HMCN1: variants seen among roughly 807,000 people sequenced by gnomAD.
HMCN1 encodes hemicentin-1.
In HMCN1, 321 loss-of-function variants were observed where a neutral mutation model predicts 625.9. The ratio of observed to expected loss-of-function variants is 0.51; its 90% CI spans 0.47 to 0.56. HMCN1 has a LOEUF of 0.56. Ranked by LOEUF, HMCN1 falls within the 20% of genes least tolerant of loss-of-function variation. The pLI is 0.00. For missense variants in HMCN1, 6,588 were observed against 6,887.3 expected (o/e 0.96, Z 1.54); for synonymous variants, 2,425 against 2,417.6 (o/e 1.00, Z -0.09).
intron 40 of HMCN1, among the ~76,000 whole-genome samples, chr1:186,045,260 A>G (rs943438552): frequency 6.6e-6 from 1 of 152,136 alleles, no homozygotes; most frequent in Non-Finnish European, 1.5e-5. Flanking sequence ...TTCTCCAACT[A>G]TTTTTTAATG....
chr1:186,078,880 A>G (rs1177225528), intron 55 of HMCN1, among the ~76,000 whole-genome samples: 1 of 152,224 alleles, frequency 6.6e-6, no homozygotes, highest in East Asian at 1.9e-4. Flanking sequence ...CTGTAAGGGA[A>G]AAGATAAGTG....
intron 4 of HMCN1, among the ~76,000 whole-genome samples, chr1:185,889,701 A>G (rs1398911706): frequency 7.2e-6 from 1 of 139,696 alleles, no homozygotes; most frequent in Non-Finnish European, 1.5e-5. Flanking sequence ...GTGCTGCTGG[A>G]TTCGGTTTGC....
chr1:185,856,146 G>T (rs1190339496), intron 2 of HMCN1, among the ~76,000 whole-genome samples: 3 of 152,164 alleles, frequency 2.0e-5, no homozygotes, highest in South Asian at 2.1e-4. Context: ...CTTGGTAAAA[G>T]AATTGCACAA....
intron 1 of HMCN1, among the ~76,000 whole-genome samples, chr1:185,841,619 G>A (rs1178425923): frequency 2.6e-5 from 4 of 152,126 alleles, no homozygotes; most frequent in Admixed American, 2.6e-4. Flanking sequence ...GTGTACTGAG[G>A]CAGTTAATCC....
chr1:185,775,615 G>T (rs1243166444), intron 1 of HMCN1, among the ~76,000 whole-genome samples: 1 of 152,194 alleles, frequency 6.6e-6, no homozygotes, highest in African/African-American at 2.4e-5. Context: ...GCCAGGTAGG[G>T]CAGTTGTTTA....
At chr1:185,796,378 G>T (rs2102213160) in intron 1 of HMCN1, among the ~76,000 whole-genome samples, 1 of 152,204 alleles carries the variant, frequency 6.6e-6, no homozygotes, top group East Asian at 1.9e-4. Flanking sequence ...GAGGACCCCT[G>T]GTGTACATTG....
At chr1:186,083,026 A>C in intron 57 of HMCN1, 65 bp downstream of exon 57, 1 of 880,542 alleles carries the variant, frequency 1.1e-6, no homozygotes. Context: ...TTTCTGTTTT[A>C]GATTATGTAG....
intron 105 of HMCN1, among the ~76,000 whole-genome samples, chr1:186,185,825 CATTTG>C (rs1653264143): frequency 6.6e-6 from 1 of 152,170 alleles, no homozygotes; most frequent in Non-Finnish European, 1.5e-5. Flanking sequence ...GATAGAAGTG[CATTTG>C]ACCGTCAGGA....
chr1:185,793,669 A>G (rs1417948616), intron 1 of HMCN1, among the ~76,000 whole-genome samples: 1 of 152,224 alleles, frequency 6.6e-6, no homozygotes, highest in Non-Finnish European at 1.5e-5. Flanking sequence ...AATGCTGATT[A>G]ATGTCAATAG....
intron 36 of HMCN1, among the ~76,000 whole-genome samples, chr1:186,033,064 G>GCACACA (rs61063202): frequency 0.022 from 3,041 of 140,360 alleles, 87 homozygotes; most frequent in African/African-American, 0.072. Flanking sequence ...ATACACACAC[G>GCACACA]CACACACACA....
chr1:185,811,768 G>C (rs1030261284), intron 1 of HMCN1, among the ~76,000 whole-genome samples: 2 of 150,556 alleles, frequency 1.3e-5, no homozygotes, highest in African/African-American at 2.4e-5. Context: ...ATAGGCATGT[G>C]CCTTCATTGG....
chr1:186,174,119 CAA>C (rs1652412342), intron 102 of HMCN1, among the ~76,000 whole-genome samples: 1 of 152,128 alleles, frequency 6.6e-6, no homozygotes, highest in Non-Finnish European at 1.5e-5. Flanking sequence ...AGTGGTAAAA[CAA>C]AGAGAGATGG....
At chr1:185,769,747 C>G (rs78007942) in intron 1 of HMCN1, among the ~76,000 whole-genome samples, 270 of 152,248 alleles carry the variant, frequency 1.8e-3, no homozygotes, top group Non-Finnish European at 2.9e-3. Flanking sequence ...TTACTGATGC[C>G]TGTGTGATAA....
At chr1:185,796,626 C>CTGTGTGTGTG (rs150495815) in intron 1 of HMCN1, among the ~76,000 whole-genome samples, 25 of 148,688 alleles carry the variant, frequency 1.7e-4, no homozygotes, top group Admixed American at 9.5e-4. Flanking sequence ...GAGTTTGTGT[C>CTGTGTGTGTG]TGTGTGTGTG....
intron 1 of HMCN1, among the ~76,000 whole-genome samples, chr1:185,803,519 G>A (rs1257171147): frequency 6.6e-6 from 1 of 151,942 alleles, no homozygotes; most frequent in African/African-American, 2.4e-5. Flanking sequence ...AAAACGATTT[G>A]TGGTGAGGGA....
intron 1 of HMCN1, among the ~76,000 whole-genome samples, chr1:185,780,467 T>C (rs1656989100): frequency 6.6e-6 from 1 of 152,222 alleles, no homozygotes; most frequent in South Asian, 2.1e-4. Flanking sequence ...CCATTCAGTA[T>C]GATATTGGCT....
intron 4 of HMCN1, among the ~76,000 whole-genome samples, chr1:185,867,959 C>T (rs1447350411): frequency 2.0e-5 from 3 of 151,982 alleles, no homozygotes; most frequent in African/African-American, 7.2e-5. Flanking sequence ...GTCCCAGCTA[C>T]TCGGGAGGCT....
chr1:185,991,538 G>T (rs1652423681), intron 22 of HMCN1, among the ~76,000 whole-genome samples: 1 of 151,926 alleles, frequency 6.6e-6, no homozygotes, highest in Non-Finnish European at 1.5e-5. Context: ...TTTTCAATTT[G>T]CCATTGTAAC....
At chr1:185,806,947 G>A (rs1398954453) in intron 1 of HMCN1, among the ~76,000 whole-genome samples, 2 of 151,992 alleles carry the variant, frequency 1.3e-5, no homozygotes, top group Non-Finnish European at 2.9e-5. Flanking sequence ...TTCATTTAAT[G>A]AAACAGTTGA....
Sources: gnomAD v4.1 joint callset for allele counts (sites outside exome capture counted in the v4.1 genomes callset) on GRCh38, gnomAD v4.1.1 for gene constraint, MANE v1.5 for transcripts, NCBI Gene and HGNC (gene_info 2026-07-23, HGNC 2026-07-21) for gene names.